Variants in CRK observed in about 807,000 individuals in gnomAD.
CRK encodes the protein adapter molecule crk.
A neutral mutation model predicts 29.8 loss-of-function variants in CRK; 4 were observed. That is an observed-to-expected ratio of 0.13 (90% CI 0.07 to 0.31). CRK has a LOEUF of 0.31. Among genes scored for constraint, CRK ranks in the 10% least tolerant of loss-of-function variants. The pLI is 1.00. For missense variants in CRK, 274 were observed against 396.5 expected (o/e 0.69, Z 2.62); for synonymous variants, 153 against 164.9 (o/e 0.93, Z 0.55).
chr17:1,441,764 A>G (rs973203342), intron 1 of CRK, among the ~76,000 whole-genome samples: 1 of 152,078 alleles, frequency 6.6e-6, no homozygotes, highest in Non-Finnish European at 1.5e-5. Context: ...TGCTGGGATT[A>G]CAGGCGTGAG....
At chr17:1,442,610 T>TTC (rs958200484) in intron 1 of CRK, among the ~76,000 whole-genome samples, 1 of 147,270 alleles carries the variant, frequency 6.8e-6, no homozygotes, top group Non-Finnish European at 1.5e-5. Context: ...AAGGGTCTTT[T>TTC]TTTTTTTTTT....
At chr17:1,441,036 A>G (rs2073931488) in intron 1 of CRK, among the ~76,000 whole-genome samples, 1 of 152,112 alleles carries the variant, frequency 6.6e-6, no homozygotes, top group South Asian at 2.1e-4. Context: ...CCCAGGCTGA[A>G]GCCATCCTCT....
intron 1 of CRK, among the ~76,000 whole-genome samples, chr17:1,440,667 C>G (rs1422098194): frequency 6.6e-6 from 1 of 151,964 alleles, no homozygotes. Flanking sequence ...AATCCCAGCA[C>G]TTTGGGAGGC....
chr17:1,430,412 A>G (rs573836855), intron 2 of CRK, among the ~76,000 whole-genome samples: 1 of 150,482 alleles, frequency 6.6e-6, no homozygotes, highest in Non-Finnish European at 1.5e-5. Flanking sequence ...GCTGGAGTGC[A>G]GTGGCGCGAT....
chr17:1,433,113 T>C (rs8073032), intron 2 of CRK, among the ~76,000 whole-genome samples: 21,869 of 152,082 alleles, frequency 0.14, 2,043 homozygotes, highest in African/African-American at 0.26. Context: ...AGATCTAGAA[T>C]TGGTACAGGA....
At position 1,430,961 on chromosome 17, in the gene CRK, G is replaced by A. The variant is rs539182030; in HGVS notation, c.777+5659C>T. 7.2e-5 allele frequency among the ~76,000 whole-genome samples: 11 copies of A among 152,054 alleles called. No individual in the cohort carries two copies. The East Asian group carries it at 2.2e-3, about 30-fold the overall frequency. ...CAGGCGCCTGTAGTCCCAGCTGCTA[G>A]GGAGGCTGAGGCAGGAGAATAGCGT... On this transcript the variant is annotated intron_variant, in intron 2 of 2. Transcript: ENST00000300574.
At chr17:1,438,120 A>C (rs1052379767) in intron 1 of CRK, among the ~76,000 whole-genome samples, 4 of 151,810 alleles carry the variant, frequency 2.6e-5, no homozygotes, top group Non-Finnish European at 5.9e-5. Flanking sequence ...AAGAAAAACT[A>C]TCTCTTGTTG....
At chr17:1,450,863 G>C (rs2074011960) in intron 1 of CRK, among the ~76,000 whole-genome samples, 1 of 151,716 alleles carries the variant, frequency 6.6e-6, no homozygotes, top group Non-Finnish European at 1.5e-5. Flanking sequence ...TCCAGACGGG[G>C]CAACAAGAGC....
In CRK at chr17:1,423,732, C is replaced by T. The variant is rs904560616; in HGVS notation, c.778-82G>A. 5 of 1,557,592 alleles carry T rather than the reference C, an allele frequency of 3.2e-6. No homozygotes were observed. The Admixed American group carries it at 8.8e-5, about 27-fold the overall frequency. ...AACTCCATTCTCTGGTTAGGCACAC[C>T]CTGCCCATGTGACTGCTCTAGGGAT... On this transcript the variant is annotated intron_variant, in intron 2 of 2. Transcript: ENST00000300574.
intron 2 of CRK, among the ~76,000 whole-genome samples, chr17:1,433,980 G>GT (rs1465549416): frequency 1.3e-5 from 2 of 152,108 alleles, no homozygotes; most frequent in South Asian, 2.1e-4. Flanking sequence ...GATTACAGGC[G>GT]TAAGTCACAG....
At chr17:1,455,442 G>C (rs2074048518) in intron 1 of CRK, among the ~76,000 whole-genome samples, 1 of 152,294 alleles carries the variant, frequency 6.6e-6, no homozygotes. Context: ...GCCAAACCCG[G>C]CTCTCCAACA....
intron 1 of CRK, among the ~76,000 whole-genome samples, chr17:1,448,620 C>CAAAAAAAAAAA (rs1292024313): frequency 3.1e-5 from 1 of 32,366 alleles, no homozygotes; most frequent in African/African-American, 1.7e-4. Context: ...GACTCCATCT[C>CAAAAAAAAAAA]AAAAAAAAAA....
chr17:1,440,153 G>T (rs2073922971), intron 1 of CRK, among the ~76,000 whole-genome samples: 1 of 152,084 alleles, frequency 6.6e-6, no homozygotes, highest in South Asian at 2.1e-4. Context: ...CAAAAAATTA[G>T]CTGGGCGTGG....
At chr17:1,430,978 G>A (rs2073839543) in intron 2 of CRK, among the ~76,000 whole-genome samples, 1 of 152,072 alleles carries the variant, frequency 6.6e-6, no homozygotes, top group Admixed American at 6.6e-5. Context: ...TGAGGCAGGA[G>A]AATAGCGTGA....
intron 1 of CRK, among the ~76,000 whole-genome samples, chr17:1,453,579 G>A (rs1285848863): frequency 6.6e-6 from 1 of 152,194 alleles, no homozygotes; most frequent in Non-Finnish European, 1.5e-5. Context: ...AGGATAATTT[G>A]TGAGCTTATA....
chr17:1,432,376 C>G (rs987845193), intron 2 of CRK, among the ~76,000 whole-genome samples: 57 of 150,784 alleles, frequency 3.8e-4, no homozygotes, highest in African/African-American at 1.3e-3. Context: ...GTAATCCCAG[C>G]TACCCGGGAG....
At chr17:1,430,843 G>A (rs1427068086) in intron 2 of CRK, among the ~76,000 whole-genome samples, 6 of 151,656 alleles carry the variant, frequency 4.0e-5, no homozygotes, top group Non-Finnish European at 7.4e-5. Flanking sequence ...CGAGGTGGGT[G>A]GATCACGAGG....
chr17:1,451,379 C>G (rs1193934298), intron 1 of CRK, among the ~76,000 whole-genome samples: 1 of 151,516 alleles, frequency 6.6e-6, no homozygotes, highest in South Asian at 2.1e-4. Flanking sequence ...TACAGGCGTC[C>G]GCCACCACGC....
At position 1,423,475 on chromosome 17, in the gene CRK, G is replaced by C; in HGVS notation, c.*38C>G. The C allele has an allele frequency of 6.6e-7, 1 of 1,525,856 alleles. No homozygotes were observed. The highest frequency in any genetic ancestry group is 8.8e-7 in the Non-Finnish European group (1 of 1,132,584). The allele number at this position is 1,525,856 out of a possible 1,614,324, so 94.5% of individuals were successfully genotyped here. A position where few individuals can be genotyped will look rare whatever the true frequency, so the allele number is the denominator to read the frequency against. On this transcript the variant is annotated 3_prime_UTR_variant, in exon 3 of 3. Coordinates refer to ENST00000300574, the MANE Select transcript of CRK (RefSeq NM_016823.4). ...ATGGCAGTTGGAAAAAAAAAAAAAAGATTGTTCCCATCTGTCAGCAAAACT... is the reference window on the plus strand; with the variant it reads ...ATGGCAGTTGGAAAAAAAAAAAAAACATTGTTCCCATCTGTCAGCAAAACT...
Sources: gnomAD v4.1 joint callset for allele counts (sites outside exome capture counted in the v4.1 genomes callset) on GRCh38, gnomAD v4.1.1 for gene constraint, MANE v1.5 for transcripts, NCBI Gene and HGNC (gene_info 2026-07-23, HGNC 2026-07-21) for gene names.